SORBS2: variants seen among roughly 807,000 people sequenced by gnomAD.
The protein encoded by SORBS2 is sorbin and SH3 domain-containing protein 2.
A neutral mutation model predicts 97.7 loss-of-function variants in SORBS2; 46 were observed. That is an observed-to-expected ratio of 0.47 (90% CI 0.37 to 0.60). The LOEUF is 0.60. SORBS2 is among the 20% of genes least tolerant of loss of function. The pLI, the probability that SORBS2 is intolerant of heterozygous loss-of-function variation, is 0.00. For synonymous variants in SORBS2, 476 were observed against 473.4 expected (o/e 1.01, Z -0.07); for missense variants, 1,316 against 1,282.3 (o/e 1.03, Z -0.40).
At chr4:185,807,352 C>G (rs1353320211) in intron 1 of SORBS2, among the ~76,000 whole-genome samples, 2 of 152,094 alleles carry the variant, frequency 1.3e-5, no homozygotes, top group African/African-American at 4.8e-5. Context: ...TGAAAGCTTT[C>G]TGAATTTTTG....
chr4:185,707,038 G>T (rs1442190313), intron 2 of SORBS2, among the ~76,000 whole-genome samples: 1 of 152,058 alleles, frequency 6.6e-6, no homozygotes, highest in Non-Finnish European at 1.5e-5. Context: ...AAATGATATA[G>T]CTCCTACTTA....
At chr4:185,718,673 T>G (rs2098485651) in intron 2 of SORBS2, among the ~76,000 whole-genome samples, 1 of 152,208 alleles carries the variant, frequency 6.6e-6, no homozygotes, top group African/African-American at 2.4e-5. Flanking sequence ...GAGGTTGTTC[T>G]GAATGTCAAG....
chr4:185,734,043 C>T (rs1015562310), intron 2 of SORBS2, 56 bp downstream of exon 3: 2 of 152,640 alleles, frequency 1.3e-5, no homozygotes, highest in Non-Finnish European at 2.9e-5. Flanking sequence ...TTCTTCCTGG[C>T]CTCATCAGCC....
intron 1 of SORBS2, among the ~76,000 whole-genome samples, chr4:185,798,336 T>C (rs548865896): frequency 1.8e-4 from 28 of 152,358 alleles, no homozygotes; most frequent in African/African-American, 6.5e-4. Flanking sequence ...TCAAACTCTA[T>C]AAAATCACTA....
intron 4 of SORBS2, chr4:185,665,926 C>T (rs1421760349): frequency 2.5e-6 from 3 of 1,217,448 alleles, no homozygotes; most frequent in South Asian, 2.9e-5. Context: ...TGTCAGAGAG[C>T]CTGTGTCGTG....
Position 185,604,987 on chromosome 4 carries a change from C to T in SORBS2, c.2796+6793G>A, listed in dbSNP as rs185139564. Among the ~76,000 whole-genome samples, 208 of 152,252 alleles carry T rather than the reference C, an allele frequency of 1.4e-3. 2 individuals carry two copies. Among genetic ancestry groups the T allele is most frequent in the Non-Finnish European group, 2.1e-4 (14 of 68,024 alleles). ...TAGGGTACTGTCTGTGTCAGCAAAG[C>T]CACACATCTAATCACACCTTCAGAT... On this transcript the variant is annotated intron_variant, in intron 12 of 14. Coordinates refer to ENST00000418609, the Ensembl canonical transcript of SORBS2.
At chr4:185,644,053 T>A (rs1561624084) in intron 4 of SORBS2, among the ~76,000 whole-genome samples, 1 of 152,168 alleles carries the variant, frequency 6.6e-6, no homozygotes, top group African/African-American at 2.4e-5. Context: ...TCAGGACTAA[T>A]TTTTTTAAAA....
chr4:185,696,493 T>A (rs2098176624), intron 2 of SORBS2, among the ~76,000 whole-genome samples: 1 of 152,170 alleles, frequency 6.6e-6, no homozygotes, highest in Non-Finnish European at 1.5e-5. Flanking sequence ...CTCACTCTGT[T>A]GCCCAGGCTG....
At chr4:185,658,520 A>G (rs73876136), upstream of SORBS2, among the ~76,000 whole-genome samples, 684 of 152,238 alleles carry the variant, frequency 4.5e-3, 7 homozygotes, top group African/African-American at 0.015. Context: ...GACACTTTGT[A>G]TATACTCTTT....
intron 2 of SORBS2, among the ~76,000 whole-genome samples, chr4:185,758,591 C>G (rs62334849): frequency 0.19 from 28,347 of 152,138 alleles, 2,821 homozygotes; most frequent in Middle Eastern, 0.27. Flanking sequence ...CCATTTCCAC[C>G]CATTCCAGGC....
intron 1 of SORBS2, among the ~76,000 whole-genome samples, chr4:185,866,963 T>G (rs1382179309): frequency 6.6e-6 from 1 of 152,098 alleles, no homozygotes; most frequent in African/African-American, 2.4e-5. Context: ...CCTTCAGGAG[T>G]AACGCAATGT....
chr4:185,887,958 ATATGTGTGTGTGTGTGTGTGTG>A (rs1398221489), intron 1 of SORBS2, among the ~76,000 whole-genome samples: 2 of 149,076 alleles, frequency 1.3e-5, no homozygotes, highest in Non-Finnish European at 3.0e-5. Context: ...TAGTATATAT[ATATGTGTGTGTGTGTGTGTGTG>A]TGTGTGTGTG....
rs554472285 is a variant in SORBS2, at chr4:185,837,079, C to T, written c.-337-61713G>A. Among the ~76,000 whole-genome samples the T allele has an allele frequency of 5.9e-5, 9 of 152,214 alleles. No individual in the cohort carries two copies. The South Asian group carries it at 1.7e-3, about 28-fold the overall frequency. On this transcript the variant is annotated intron_variant, in intron 1 of 20. Transcript: ENST00000284776. ...AGACTTTATATTATTCACATTATAC[C>T]TCTTGCCTCTGCATAGGACCTCACA...
chr4:185,632,464 T>C lies in SORBS2; in HGVS notation c.397-1866A>G, dbSNP rs542013571. Among the ~76,000 whole-genome samples the C allele has an allele frequency of 2.2e-3, 335 of 152,258 alleles. 1 individual carries two copies. Among genetic ancestry groups the C allele is most frequent in the South Asian group, 3.1e-3 (15 of 4,824 alleles). On this transcript the variant is annotated intron_variant, in intron 4 of 14. Coordinates refer to ENST00000418609, the Ensembl canonical transcript of SORBS2. The stretch of plus-strand genomic sequence containing the variant: ...ATTTGCTGAGCTCTGAATCAGACAC[T>C]GGGAAGGTAGAAAAATAGATACTAA...
chr4:185,611,526 TTC>T (rs1184159975), intron 12 of SORBS2, among the ~76,000 whole-genome samples: 1 of 152,160 alleles, frequency 6.6e-6, no homozygotes, highest in Non-Finnish European at 1.5e-5. Context: ...TACTCTCGTT[TTC>T]TCTTTCTCTT....
At chr4:185,863,693 G>A (rs2099225197) in intron 1 of SORBS2, among the ~76,000 whole-genome samples, 1 of 152,172 alleles carries the variant, frequency 6.6e-6, no homozygotes, top group Non-Finnish European at 1.5e-5. Flanking sequence ...GACATACTCA[G>A]AAACTGTAAT....
chr4:185,896,249 T>C (rs1282560296), intron 1 of SORBS2, among the ~76,000 whole-genome samples: 1 of 152,236 alleles, frequency 6.6e-6, no homozygotes, highest in Non-Finnish European at 1.5e-5. Flanking sequence ...ATTTTTGGCA[T>C]TGACGGGTTC....
At chr4:185,589,752 A>C in exon 14 of SORBS2, 1 of 1,611,722 alleles carries the variant, frequency 6.2e-7, no homozygotes, top group South Asian at 1.1e-5. Flanking sequence ...GCTCATCTTC[A>C]TTCCTGGGAG....
chr4:185,805,906 G>A (rs538055662), intron 1 of SORBS2, among the ~76,000 whole-genome samples: 152 of 152,226 alleles, frequency 1.0e-3, no homozygotes, highest in South Asian at 8.5e-3. Flanking sequence ...CCTTTCCCTC[G>A]TTAACTTTAG....
Sources: allele counts gnomAD v4.1 joint callset (sites outside exome capture counted in the v4.1 genomes callset), GRCh38; gene constraint gnomAD v4.1.1; transcripts MANE v1.5; gene names NCBI Gene and HGNC (gene_info 2026-07-23, HGNC 2026-07-21).